The following SHANK2 variants were observed in gnomAD, a reference collection of about 807,000 sequenced individuals.
SHANK2 encodes SH3 and multiple ankyrin repeat domains protein 2.
SHANK2 carries 43 observed loss-of-function variants against 133.7 expected under a neutral mutation model. That is an observed-to-expected ratio of 0.32 (90% CI 0.25 to 0.41). The LOEUF is 0.41. SHANK2 is among the 10% of genes least tolerant of loss of function. The pLI is 1.00. For synonymous variants in SHANK2, 1,017 were observed against 952.8 expected, an observed-to-expected ratio of 1.07 and a Z score of -1.24; for missense variants, 1,994 against 2,235.8, an observed-to-expected ratio of 0.89 and a Z score of 2.18.
chr11:70,629,426 C>T (rs927150847), intron 17 of SHANK2, among the ~76,000 whole-genome samples: 2 of 152,146 alleles, frequency 1.3e-5, no homozygotes, highest in African/African-American at 2.4e-5. Context: ...GCTGGCCTCC[C>T]GGGTCTCCAG....
At chr11:70,898,137 A>G (rs1022771926) in intron 10 of SHANK2, among the ~76,000 whole-genome samples, 1 of 151,794 alleles carries the variant, frequency 6.6e-6, no homozygotes, top group African/African-American at 2.4e-5. Flanking sequence ...TAATTAAAAA[A>G]AAATTTTTTT....
At chr11:71,165,554 C>A (rs782776027) in intron 2 of SHANK2, among the ~76,000 whole-genome samples, 6 of 152,120 alleles carry the variant, frequency 3.9e-5, no homozygotes, top group Non-Finnish European at 7.3e-5. Context: ...GAACACCAAG[C>A]GGGAAGGCTG....
At chr11:70,518,548 G>A (rs2059293163) in intron 17 of SHANK2, among the ~76,000 whole-genome samples, 2 of 152,192 alleles carry the variant, frequency 1.3e-5, no homozygotes, top group African/African-American at 4.8e-5. Flanking sequence ...ACATCTCTAG[G>A]CTTTCCCCAT....
At chr11:70,841,293 G>A (rs529380446) in intron 11 of SHANK2, among the ~76,000 whole-genome samples, 27 of 152,250 alleles carry the variant, frequency 1.8e-4, no homozygotes, top group Admixed American at 4.6e-4. Context: ...AATTATCACC[G>A]CAGTGAAAGG....
In SHANK2 at chr11:70,592,396, G is replaced by A. The variant is rs1299686862; in HGVS notation, c.2061+67432C>T. Among the ~76,000 whole-genome samples, 8 of 152,170 alleles carry A rather than the reference G, an allele frequency of 5.3e-5. No homozygotes were observed. The South Asian group carries it at 6.2e-4, about 12-fold the overall frequency. ...TGAGAGGCAGGACTTCTGCTGACTC[G>A]GGTGGAGCTTCCACGCAGGCTTTTG... On this transcript the variant is annotated intron_variant, in intron 17 of 25. Coordinates refer to ENST00000601538, the MANE Select transcript of SHANK2 (RefSeq NM_012309.5).
chr11:70,675,939 A>G (rs1465522407), intron 15 of SHANK2, among the ~76,000 whole-genome samples: 1 of 152,194 alleles, frequency 6.6e-6, no homozygotes, highest in Non-Finnish European at 1.5e-5. Context: ...TCCCATCTCA[A>G]TGAACTGGCA....
At chr11:70,674,618 G>A (rs1944875319) in intron 15 of SHANK2, among the ~76,000 whole-genome samples, 1 of 152,244 alleles carries the variant, frequency 6.6e-6, no homozygotes, top group South Asian at 2.1e-4. Flanking sequence ...CAAAGTGTTG[G>A]GATTAGAGGC....
rs143427426 is a variant in SHANK2 at position 70,595,950 on chromosome 11, G to A, written c.2061+63878C>T. ...GAGAAAACAGAGCGGGGTTTCAGTCGCAAACACAGAGGAGAACATCGTGAG... is the reference window on the plus strand; with the variant it reads ...GAGAAAACAGAGCGGGGTTTCAGTCACAAACACAGAGGAGAACATCGTGAG... On this transcript the variant is annotated intron_variant, in intron 17 of 25. Coordinates refer to ENST00000601538, the MANE Select transcript of SHANK2 (RefSeq NM_012309.5). Among the ~76,000 whole-genome samples the A allele has an allele frequency of 3.4e-3, 515 of 152,316 alleles. 11 individuals carry two copies. In the East Asian group the frequency reaches 0.049, roughly 15 times the overall value.
At chr11:70,811,572 C>G (rs1365731830) in intron 12 of SHANK2, among the ~76,000 whole-genome samples, 2 of 152,016 alleles carry the variant, frequency 1.3e-5, no homozygotes, top group African/African-American at 2.4e-5. Flanking sequence ...TCCATCCATC[C>G]ATCCATCTAC....
intron 14 of SHANK2, among the ~76,000 whole-genome samples, chr11:70,764,845 A>T (rs1591824303): frequency 6.6e-6 from 1 of 151,980 alleles, no homozygotes; most frequent in Non-Finnish European, 1.5e-5. Context: ...CCATCCATCC[A>T]TCCATCCATC....
At chr11:70,835,041 A>T (rs1274679620) in intron 11 of SHANK2, among the ~76,000 whole-genome samples, 4 of 152,124 alleles carry the variant, frequency 2.6e-5, no homozygotes, top group African/African-American at 9.7e-5. Flanking sequence ...TCTGACCACA[A>T]AGAGAGGTGA....
intron 9 of SHANK2, among the ~76,000 whole-genome samples, chr11:71,073,288 C>T (rs1222729672): frequency 4.6e-5 from 7 of 150,710 alleles, no homozygotes; most frequent in African/African-American, 1.5e-4. Context: ...CCTCCCGAGT[C>T]GCTGGGATTA....
chr11:70,549,319 C>A (rs1389311512), intron 17 of SHANK2, among the ~76,000 whole-genome samples: 1 of 152,160 alleles, frequency 6.6e-6, no homozygotes, highest in African/African-American at 2.4e-5. Flanking sequence ...GGATGAGGTG[C>A]GGGTCATTTC....
intron 10 of SHANK2, among the ~76,000 whole-genome samples, chr11:70,936,035 G>A (rs782676058): frequency 1.4e-4 from 22 of 152,156 alleles, no homozygotes; most frequent in Non-Finnish European, 2.8e-4. Context: ...GGTCTCACAC[G>A]GATTGAAATC....
chr11:71,085,643 T>TA (rs2136021082), intron 8 of SHANK2, among the ~76,000 whole-genome samples: 4 of 43,828 alleles, frequency 9.1e-5, no homozygotes, highest in Non-Finnish European at 1.3e-4. Context: ...ATATATAATA[T>TA]ATTATGTTAT....
intron 2 of SHANK2, among the ~76,000 whole-genome samples, chr11:71,155,313 A>AGAG (rs1952884688): frequency 1.2e-5 from 1 of 83,768 alleles, no homozygotes; most frequent in Non-Finnish European, 2.3e-5. Flanking sequence ...CCAAGCTCCC[A>AGAG]GAGGGGTGGA....
chr11:70,725,733 T>C (rs1302476471), intron 14 of SHANK2, among the ~76,000 whole-genome samples: 1 of 94,660 alleles, frequency 1.1e-5, no homozygotes, highest in East Asian at 2.2e-4. Context: ...CAGCACATTG[T>C]CGGTAACTCT....
intron 14 of SHANK2, among the ~76,000 whole-genome samples, chr11:70,704,712 C>G (rs1170339431): frequency 6.6e-6 from 1 of 152,184 alleles, no homozygotes; most frequent in Non-Finnish European, 1.5e-5. Flanking sequence ...TGGCGGAAGA[C>G]AGAACCAAGT....
At chr11:71,073,756 C>T (rs1951181421) in intron 9 of SHANK2, among the ~76,000 whole-genome samples, 2 of 152,196 alleles carry the variant, frequency 1.3e-5, no homozygotes, top group South Asian at 4.1e-4. Flanking sequence ...TGAGCTGCTG[C>T]ACCTGGCTGG....
Sources: gnomAD v4.1 joint callset for allele counts (sites outside exome capture counted in the v4.1 genomes callset) on GRCh38, gnomAD v4.1.1 for gene constraint, MANE v1.5 for transcripts, NCBI Gene and HGNC (gene_info 2026-07-23, HGNC 2026-07-21) for gene names.